The following SLC35F3 variants were observed in gnomAD, a reference collection of about 807,000 sequenced individuals.
SLC35F3 encodes the protein solute carrier family 35 member F3.
A neutral mutation model predicts 49.9 loss-of-function variants in SLC35F3; 25 were observed. The observed-to-expected ratio is 0.50, with a 90% CI of 0.37 to 0.70. The LOEUF is 0.70. Among genes scored for constraint, SLC35F3 ranks in the 30% least tolerant of loss-of-function variants. The probability of loss-of-function intolerance (pLI) is 0.00; values close to 1 mark genes in which losing one functional copy is unlikely to be tolerated. For synonymous variants in SLC35F3, 275 were observed against 265.4 expected (o/e 1.04, Z -0.35); for missense variants, 525 against 639.8 (o/e 0.82, Z 1.94).
chr1:233,989,449 T>A (rs528392892), intron 2 of SLC35F3, among the ~76,000 whole-genome samples: 1 of 152,322 alleles, frequency 6.6e-6, no homozygotes, highest in East Asian at 1.9e-4. Context: ...TGGCCTTCTC[T>A]GTTACAACAG....
chr1:234,191,349 C>G lies in SLC35F3; in HGVS notation c.284-40068C>G, dbSNP rs561435670. Among the ~76,000 whole-genome samples, 3 of 152,246 alleles carry G rather than the reference C, an allele frequency of 2.0e-5. No homozygotes were observed. In the South Asian group the frequency reaches 6.2e-4, roughly 32 times the overall value. Reference sequence around the variant, plus strand: ...TAAATAACCTGCTCCTGAATGATCACTGGGTCAAAAATAAAATCAACATGA... The same window carrying G: ...TAAATAACCTGCTCCTGAATGATCAGTGGGTCAAAAATAAAATCAACATGA... On this transcript the variant is annotated intron_variant, in intron 2 of 7. Transcript: ENST00000366618.
chr1:234,213,489 A>G (rs1024445988), intron 2 of SLC35F3: 1 of 152,280 alleles, frequency 6.6e-6, no homozygotes, highest in African/African-American at 2.4e-5. Context: ...ATGCACTGTC[A>G]TGGGATAAAT....
intron 2 of SLC35F3, among the ~76,000 whole-genome samples, chr1:234,015,027 A>G (rs1256405966): frequency 5.9e-5 from 9 of 152,194 alleles, no homozygotes; most frequent in Non-Finnish European, 1.0e-4. Flanking sequence ...GATAATCTTG[A>G]ACAAAAAGAA....
chr1:234,285,217 A>G (rs1408184840), intron 3 of SLC35F3: 6 of 409,786 alleles, frequency 1.5e-5, no homozygotes, highest in Admixed American at 2.8e-5. Context: ...AACATGATCA[A>G]GGACATTTCA....
chr1:234,122,312 G>A (rs570066036), intron 2 of SLC35F3, among the ~76,000 whole-genome samples: 179 of 152,274 alleles, frequency 1.2e-3, no homozygotes, highest in African/African-American at 4.1e-3. Context: ...CAGGCATTCC[G>A]TTTCTTCTTT....
At chr1:233,930,443 G>A (rs1270252796) in intron 2 of SLC35F3, among the ~76,000 whole-genome samples, 3 of 152,204 alleles carry the variant, frequency 2.0e-5, no homozygotes, top group East Asian at 1.9e-4. Context: ...TAGAAGGTGA[G>A]ATGAGAACTA....
At chr1:234,245,619 CT>C (rs57446896) in intron 3 of SLC35F3, among the ~76,000 whole-genome samples, 31,392 of 152,224 alleles carry the variant, frequency 0.21, 4,595 homozygotes, top group East Asian at 0.73. Context: ...GGCTTTTCCC[CT>C]GCTCCATGAT....
chr1:233,944,588 C>CA (rs1662483136), intron 2 of SLC35F3, among the ~76,000 whole-genome samples: 1 of 152,128 alleles, frequency 6.6e-6, no homozygotes, highest in Non-Finnish European at 1.5e-5. Context: ...TGTGTTTTTA[C>CA]CCATTGGCTG....
intron 2 of SLC35F3, among the ~76,000 whole-genome samples, chr1:234,062,863 G>A (rs1004250384): frequency 2.5e-5 from 2 of 80,182 alleles, no homozygotes; most frequent in African/African-American, 4.7e-5. Context: ...TTTTTTTTTT[G>A]TATTTTTAGT....
intron 3 of SLC35F3, among the ~76,000 whole-genome samples, chr1:234,239,349 G>A (rs1437376711): frequency 2.0e-5 from 3 of 152,074 alleles, no homozygotes; most frequent in African/African-American, 7.2e-5. Context: ...GTATGCTCAG[G>A]CACCACCCCA....
intron 2 of SLC35F3, among the ~76,000 whole-genome samples, chr1:233,921,261 A>T (rs72751797): frequency 0.12 from 17,662 of 152,248 alleles, 1,115 homozygotes; most frequent in Non-Finnish European, 0.15. Context: ...AGTTCATACC[A>T]AAATTGAGCA....
At chr1:233,927,377 A>G (rs1222868461) in intron 2 of SLC35F3, among the ~76,000 whole-genome samples, 1 of 152,198 alleles carries the variant, frequency 6.6e-6, no homozygotes, top group Non-Finnish European at 1.5e-5. Context: ...TTACATTTGT[A>G]TCATCTAATT....
At position 234,281,085 on chromosome 1, in the gene SLC35F3, C is replaced by G. The variant is rs563586950; in HGVS notation, c.609-28016C>G. Among the ~76,000 whole-genome samples, 9 of 152,134 alleles carry G rather than the reference C, an allele frequency of 5.9e-5. No individual in the cohort carries two copies. The South Asian group carries it at 8.3e-4, about 14-fold the overall frequency. ...AGTGTTATGGGCTAAATTGTGTCCC[C>G]CCCCCATGCTCAAATTCATATGCTG... On this transcript the variant is annotated intron_variant, in intron 3 of 7. Coordinates refer to ENST00000366618, the MANE Select transcript of SLC35F3 (RefSeq NM_173508.4).
At chr1:233,984,925 A>G (rs1156803050) in intron 2 of SLC35F3, among the ~76,000 whole-genome samples, 1 of 152,112 alleles carries the variant, frequency 6.6e-6, no homozygotes, top group East Asian at 1.9e-4. Flanking sequence ...CTTGTTCATC[A>G]AGTTGCTTAT....
chr1:234,279,775 G>A (rs1668274654), intron 3 of SLC35F3, among the ~76,000 whole-genome samples: 1 of 152,148 alleles, frequency 6.6e-6, no homozygotes, highest in African/African-American at 2.4e-5. Context: ...GCCTCACAGT[G>A]GAGAATAAAA....
At chr1:233,906,616 A>T (rs1661781497) in intron 2 of SLC35F3, among the ~76,000 whole-genome samples, 1 of 152,166 alleles carries the variant, frequency 6.6e-6, no homozygotes, top group Admixed American at 6.5e-5. Context: ...ATGGGCCTTG[A>T]CGTCTTTCAT....
At chr1:234,243,423 G>A (rs569987311) in intron 3 of SLC35F3, among the ~76,000 whole-genome samples, 4 of 152,210 alleles carry the variant, frequency 2.6e-5, no homozygotes, top group South Asian at 2.1e-4. Flanking sequence ...TTAGATAACC[G>A]ACTGTTATTA....
chr1:233,912,472 A>G (rs185768931), intron 2 of SLC35F3, among the ~76,000 whole-genome samples: 58 of 152,158 alleles, frequency 3.8e-4, no homozygotes, highest in Non-Finnish European at 7.5e-4. Context: ...GTGAGACTCC[A>G]TCACAAAAAC....
intron 2 of SLC35F3, among the ~76,000 whole-genome samples, chr1:234,084,019 A>T (rs566175795): frequency 6.6e-6 from 1 of 151,976 alleles, no homozygotes; most frequent in African/African-American, 2.4e-5. Flanking sequence ...TTGTATTCTT[A>T]GTAGAGATGG....
Sources: gnomAD v4.1 joint callset for allele counts (sites outside exome capture counted in the v4.1 genomes callset) on GRCh38, gnomAD v4.1.1 for gene constraint, MANE v1.5 for transcripts, NCBI Gene and HGNC (gene_info 2026-07-23, HGNC 2026-07-21) for gene names.